DCP1B: variants seen among roughly 807,000 people sequenced by gnomAD.
DCP1B encodes the protein mRNA-decapping enzyme 1B.
A neutral mutation model predicts 60.5 loss-of-function variants in DCP1B; 47 were observed. The ratio of observed to expected loss-of-function variants is 0.78; its 90% confidence interval spans 0.61 to 0.99. The LOEUF is 0.99. Ranked by LOEUF, DCP1B falls within the 50% of genes least tolerant of loss-of-function variation. The pLI is 0.00. For missense variants in DCP1B, 725 were observed against 756.8 expected (o/e 0.96, Z 0.49); for synonymous variants, 267 against 280.3 (o/e 0.95, Z 0.47).
At chr12:1,952,317 G>T in intron 7 of DCP1B, 99 bp downstream of exon 7, 3 of 1,395,904 alleles carry the variant, frequency 2.1e-6, no homozygotes, top group Middle Eastern at 2.7e-4. Flanking sequence ...GGTGCTATAG[G>T]CGTGTGACAC....
intron 3 of DCP1B, among the ~76,000 whole-genome samples, chr12:1,982,210 TTTTA>T (rs2036355555): frequency 6.6e-6 from 1 of 152,198 alleles, no homozygotes; most frequent in African/African-American, 2.4e-5. Flanking sequence ...TTTTTTCCTT[TTTTA>T]TTGTGTTAAA....
Position 1,962,014 on chromosome 12 carries a change from C to T in DCP1B, c.522+3544G>A, listed in dbSNP as rs769101530. ...GGTCCTGGAGACAAGAGGCATGCCA[C>T]GCTGCACAGGGCCACGTGTGGAAGC... On this transcript the variant is annotated intron_variant, in intron 5 of 8. Coordinates refer to ENST00000280665, the MANE Select transcript of DCP1B (RefSeq NM_152640.5). The surrounding 1 kb of genome is among the most constrained non-coding windows in gnomAD (Gnocchi z 4.4). 1.1e-4 allele frequency among the ~76,000 whole-genome samples: 17 copies of T among 152,130 alleles called. No homozygotes were observed. Among genetic ancestry groups the T allele is most frequent in the African/African-American group, 2.2e-4 (9 of 41,416 alleles).
chr12:1,976,619 C>T (rs922645128), intron 3 of DCP1B, among the ~76,000 whole-genome samples: 5 of 152,204 alleles, frequency 3.3e-5, no homozygotes, highest in Admixed American at 3.3e-4. Flanking sequence ...CCTGCAAATA[C>T]TAAGTTTTTG....
chr12:1,947,156 T>C (rs77089301), intron 8 of DCP1B, among the ~76,000 whole-genome samples: 3,519 of 152,322 alleles, frequency 0.023, 137 homozygotes, highest in African/African-American at 0.078. Flanking sequence ...GTAAGACTGG[T>C]AATCTCTGGG....
downstream of DCP1B, among the ~76,000 whole-genome samples, chr12:1,945,092 AAAC>A (rs1406346627): frequency 2.0e-5 from 3 of 152,248 alleles, no homozygotes; most frequent in East Asian, 5.8e-4. Flanking sequence ...TACAAGAAAA[AAAC>A]AATCCCATCA....
intron 5 of DCP1B, among the ~76,000 whole-genome samples, chr12:1,956,548 G>A (rs1394026706): frequency 1.3e-5 from 2 of 152,188 alleles, no homozygotes; most frequent in Non-Finnish European, 2.9e-5. Flanking sequence ...TGTATGTGAG[G>A]TTAACCATAC....
intron 3 of DCP1B, among the ~76,000 whole-genome samples, chr12:1,982,915 G>A (rs1009903634): frequency 5.9e-5 from 9 of 151,962 alleles, no homozygotes; most frequent in African/African-American, 1.4e-4. Flanking sequence ...TCTGAACTTG[G>A]AGTTTTGTTA....
intron 4 of DCP1B, among the ~76,000 whole-genome samples, chr12:1,966,969 T>G (rs2031317653): frequency 6.6e-6 from 1 of 152,244 alleles, no homozygotes; most frequent in Admixed American, 6.5e-5. Flanking sequence ...CATACCCATG[T>G]GGCAGCAGCC....
chr12:1,942,137 A>C (rs1349532680), downstream of DCP1B, among the ~76,000 whole-genome samples: 1 of 152,256 alleles, frequency 6.6e-6, no homozygotes, highest in African/African-American at 2.4e-5. Flanking sequence ...CAGAAGTTGC[A>C]ATCCTAGTCT....
At position 1,952,436 on chromosome 12, in the gene DCP1B, G is replaced by C. The variant is rs374995695; in HGVS notation, c.1504C>G (p.Gln502Glu). 2.8e-5 allele frequency: 44 copies of C among 1,598,786 alleles called. No individual in the cohort carries two copies. The highest frequency in any genetic ancestry group is 3.7e-5 in the Non-Finnish European group (43 of 1,169,954). Reference sequence around the variant, plus strand: ...TTTACCTGGAAAAGAGGAGTCTGCTGTTCTGTGTTGGGTGTCTTGTTGATC... The same window carrying C: ...TTTACCTGGAAAAGAGGAGTCTGCTCTTCTGTGTTGGGTGTCTTGTTGATC... Reference protein sequence around the residue: ...SWINKTPNTEQQTPLFQVISP... With the variant: ...SWINKTPNTEEQTPLFQVISP... The change falls in exon 7 of 9, where the codon CAG (glutamine) becomes GAG (glutamate). Residue 502 changes from glutamine (Q) to glutamate (E), a missense_variant. By Grantham distance (29) the Gln-to-Glu change is conservative (BLOSUM62 2). Transcript: ENST00000280665.
chr12:1,949,169 T>C lies in DCP1B; in HGVS notation c.1690A>G (p.Ile564Val). The change falls in exon 8 of 9, where the codon ATA becomes GTA. Residue 564 changes from isoleucine (I) to valine (V), a missense_variant. Physicochemically the swap from Ile to Val is conservative, Grantham distance 29. Transcript: ENST00000280665. ...ATCACGGAGGGCTCCGGGCTCTGTATGGGCAGGAGGAGGCTGGTGGCAGCA... is the reference window on the plus strand; with the variant it reads ...ATCACGGAGGGCTCCGGGCTCTGTACGGGCAGGAGGAGGCTGGTGGCAGCA... ...PAAATSLLLP[I>V]QSPEPSVITS... 1 of 1,614,110 alleles carries C rather than the reference T, an allele frequency of 6.2e-7. No homozygotes were observed.
intron 5 of DCP1B, among the ~76,000 whole-genome samples, chr12:1,957,600 A>G (rs1461918387): frequency 6.6e-6 from 1 of 152,230 alleles, no homozygotes; most frequent in Non-Finnish European, 1.5e-5. Flanking sequence ...CTCCAAGCTT[A>G]ACTATGCAGC....
chr12:1,967,524 T>C (rs1208944370), intron 4 of DCP1B, among the ~76,000 whole-genome samples: 1 of 152,190 alleles, frequency 6.6e-6, no homozygotes, highest in Non-Finnish European at 1.5e-5. Context: ...AACAGGCATA[T>C]TGATAACTTT....
chr12:1,996,333 C>G (rs2040781970), intron 2 of DCP1B, among the ~76,000 whole-genome samples: 1 of 152,102 alleles, frequency 6.6e-6, no homozygotes, highest in African/African-American at 2.4e-5. Flanking sequence ...TCTCTTTACA[C>G]TTGCTAACTA....
chr12:1,949,397 C>T, intron 7 of DCP1B, 63 bp from the exon 8 acceptor site: 2 of 1,589,684 alleles, frequency 1.3e-6, no homozygotes, highest in Admixed American at 1.7e-5. Context: ...TGATAGCTTG[C>T]AGCGGCAGAT....
chr12:2,001,787 T>G (rs893628451), intron 1 of DCP1B, among the ~76,000 whole-genome samples: 8 of 152,198 alleles, frequency 5.3e-5, no homozygotes, highest in Admixed American at 3.3e-4. Context: ...CGTTAGTCAC[T>G]TTAGGGCAGT....
chr12:1,949,409 C>A, intron 7 of DCP1B, 75 bp from the exon 8 acceptor site: 1 of 1,578,054 alleles, frequency 6.3e-7, no homozygotes, highest in Non-Finnish European at 8.6e-7. Flanking sequence ...GCGGCAGATA[C>A]GGGTGGTCTA....
chr12:1,990,849 G>C (rs1185428541), intron 3 of DCP1B, among the ~76,000 whole-genome samples: 3 of 152,082 alleles, frequency 2.0e-5, no homozygotes, highest in Non-Finnish European at 4.4e-5. Context: ...CGTTTAAGAG[G>C]TATCTGACAC....
intron 1 of DCP1B, 134 bp downstream of exon 1, chr12:2,004,148 C>G (rs1304050665): frequency 7.5e-7 from 1 of 1,333,714 alleles, no homozygotes. Context: ...CAACTTCGGC[C>G]TCAGTCCCCA....
Sources: gnomAD v4.1 joint callset for allele counts (sites outside exome capture counted in the v4.1 genomes callset) on GRCh38, gnomAD v4.1.1 for gene constraint, Gnocchi (gnomAD v3.1) non-coding constraint, MANE v1.5 for transcripts, NCBI Gene and HGNC (gene_info 2026-07-23, HGNC 2026-07-21) for gene names.